NIPAL4: variants seen among roughly 807,000 people sequenced by gnomAD.
NIPAL4 encodes magnesium transporter NIPA4.
NIPAL4 carries 21 observed loss-of-function variants against 31.6 expected under a neutral mutation model. The observed-to-expected ratio is 0.67, with a 90% confidence interval of 0.47 to 0.96. The LOEUF is 0.96. Among genes scored for constraint, NIPAL4 ranks in the 40% least tolerant of loss-of-function variants. The probability of loss-of-function intolerance (pLI) is 0.00; values close to 1 mark genes in which losing one functional copy is unlikely to be tolerated. For missense variants in NIPAL4, 438 were observed against 508.0 expected (o/e 0.86, Z 1.32); for synonymous variants, 175 against 211.1 (o/e 0.83, Z 1.48).
At position 157,473,106 on chromosome 5, in the gene NIPAL4, A is replaced by C; in HGVS notation, c.*146A>C. On this transcript the variant is annotated 3_prime_UTR_variant, in exon 6 of 6. Transcript: ENST00000311946. Reference sequence around the variant, plus strand: ...TCATTTATACCTCATCACTGTTTCCAGGAGAAAAATCTTTACCCAAATAGC... The same window carrying C: ...TCATTTATACCTCATCACTGTTTCCCGGAGAAAAATCTTTACCCAAATAGC... The C allele has an allele frequency of 3.2e-6, 2 of 616,752 alleles. No homozygotes were observed. The highest frequency in any genetic ancestry group is 4.5e-4 in the Middle Eastern group (1 of 2,240). 38.2% of individuals were successfully genotyped at this position (616,752 alleles called of 1,614,324 possible).
In NIPAL4 at chr5:157,467,118, T is replaced by C. The variant is rs551001388; in HGVS notation, c.334+13T>C. Reference sequence around the variant, plus strand: ...GGATTTCTCACCAGTAAGTGGGTTGTTTGTTACTAATAACAGTGGCCTATT... The same window carrying C: ...GGATTTCTCACCAGTAAGTGGGTTGCTTGTTACTAATAACAGTGGCCTATT... On this transcript the variant is annotated intron_variant, in intron 3 of 5. Coordinates refer to ENST00000311946, the MANE Select transcript of NIPAL4 (RefSeq NM_001099287.2). 1 of 1,603,212 alleles carries C rather than the reference T, an allele frequency of 6.2e-7. No individual in the cohort carries two copies. The highest frequency in any genetic ancestry group is 8.5e-7 in the Non-Finnish European group (1 of 1,170,316).
intron 2 of NIPAL4, 109 bp from the exon 3 acceptor site, chr5:157,466,940 G>C: frequency 1.3e-6 from 1 of 785,894 alleles, no homozygotes; most frequent in Non-Finnish European, 2.2e-6. Context: ...CCAGAACCAA[G>C]CCTCAAGGAG....
intron 2 of NIPAL4, 67 bp downstream of exon 2, chr5:157,463,400 A>G (rs748245951): frequency 6.1e-5 from 92 of 1,496,000 alleles, no homozygotes; most frequent in Non-Finnish European, 7.6e-5. Flanking sequence ...CCGGGGCTGT[A>G]GTCTAAGAGG....
intron 4 of NIPAL4, among the ~76,000 whole-genome samples, chr5:157,470,667 A>G (rs1754405596): frequency 6.6e-6 from 1 of 152,250 alleles, no homozygotes; most frequent in South Asian, 2.1e-4. Flanking sequence ...TGGCTTATAC[A>G]AATGAAATAA....
At position 157,473,598 on chromosome 5, in the gene NIPAL4, C is replaced by T. The variant is rs1754503442; in HGVS notation, c.*638C>T. The T allele has an allele frequency of 6.6e-6, 1 of 152,322 alleles. No homozygotes were observed. Among genetic ancestry groups the T allele is most frequent in the Non-Finnish European group, 1.5e-5 (1 of 68,094 alleles). 9.4% of individuals were successfully genotyped at this position (152,322 alleles called of 1,614,324 possible). On this transcript the variant is annotated 3_prime_UTR_variant, in exon 6 of 6. Transcript: ENST00000311946. Reference sequence around the variant, plus strand: ...GGGAAAAATTTCAACCAGCTCATTCCCCGAGCACTCCAGCCTGGCAGTCAG... The same window carrying T: ...GGGAAAAATTTCAACCAGCTCATTCTCCGAGCACTCCAGCCTGGCAGTCAG...
chr5:157,465,246 C>T (rs533711813), intron 2 of NIPAL4, among the ~76,000 whole-genome samples: 37 of 152,306 alleles, frequency 2.4e-4, no homozygotes, highest in African/African-American at 8.7e-4. Flanking sequence ...GAAATTTCTG[C>T]TTGTGTTCAG....
Position 157,467,049 on chromosome 5 carries a change from T to C in NIPAL4, c.278T>C (p.Val93Ala), listed in dbSNP as rs756026945. The C allele has an allele frequency of 4.3e-6, 7 of 1,610,268 alleles. No homozygotes were observed. In the South Asian group the frequency reaches 6.6e-5, roughly 15 times the overall value. Residue 93 changes from valine (V) to alanine (A), a missense_variant and splice_region_variant, in exon 3 of 6, where the codon GTG becomes GCG. Coordinates refer to ENST00000311946, the MANE Select transcript of NIPAL4 (RefSeq NM_001099287.2). ...RLVATGATRA[V>A]DGGFGYLKDA... ...AACTTTGTGTCCATTCCCTCCACAG[T>C]GGATGGAGGCTTCGGCTACCTGAAA...
intron 1 of NIPAL4, chr5:157,460,564 G>A: frequency 1.4e-6 from 1 of 704,146 alleles, no homozygotes; most frequent in Non-Finnish European, 2.6e-6. Flanking sequence ...TGGCTGAGAG[G>A]AGTCAGGGAA....
chr5:157,468,891 G>A (rs1172224644), intron 4 of NIPAL4, 79 bp downstream of exon 4: 4 of 961,572 alleles, frequency 4.2e-6, no homozygotes, highest in Admixed American at 2.3e-5. Context: ...AAGTGGGATC[G>A]ACTGCCACTT....
At chr5:157,468,947 T>C (rs546190274) in intron 4 of NIPAL4, 135 bp downstream of exon 4, 2 of 622,710 alleles carry the variant, frequency 3.2e-6, no homozygotes, top group East Asian at 5.3e-5. Context: ...AAAGAGGCAG[T>C]GTGCTGTCCA....
Position 157,463,257 on chromosome 5 carries a change from C to T in NIPAL4, c.201C>T (p.Ser67=). ...GCCTGGGCCTGGCATTCCTGTCTAG[C>T]TTCCTCATCGGCAGCAGCGTCATCC... is the stretch of plus-strand genomic sequence containing the variant. The part of the protein sequence containing the change: ...YIGLGLAFLS[S]FLIGSSVILK... Residue 67 remains serine, a synonymous_variant, in exon 2 of 6, where the codon AGC becomes AGT. Transcript: ENST00000311946. 1.2e-6 allele frequency: 2 copies of T among 1,614,000 alleles called. No individual in the cohort carries two copies. The highest frequency in any genetic ancestry group is 2.2e-5 in the South Asian group (2 of 91,086).
In NIPAL4 at chr5:157,471,820, A is replaced by G; in HGVS notation, c.586+3A>G. 1.9e-6 allele frequency: 3 copies of G among 1,580,634 alleles called. No homozygotes were observed. The highest frequency in any genetic ancestry group is 2.6e-6 in the Non-Finnish European group (3 of 1,162,462). The stretch of plus-strand genomic sequence containing the variant: ...GGCTTCCAAGATGAAAGACACAGGT[A>G]GACTCCAAGCCCCTGAAGAGCAGGA... On this transcript the variant is annotated splice_donor_region_variant and intron_variant, in intron 5 of 5. Transcript: ENST00000311946.
At chr5:157,469,347 A>G (rs1408721505) in intron 4 of NIPAL4, among the ~76,000 whole-genome samples, 3 of 152,240 alleles carry the variant, frequency 2.0e-5, no homozygotes, top group African/African-American at 7.2e-5. Context: ...GGGACCAAAC[A>G]ATAACCACAG....
chr5:157,468,890 C>G (rs773811164), intron 4 of NIPAL4, 78 bp downstream of exon 4: 4 of 963,962 alleles, frequency 4.1e-6, no homozygotes, highest in African/African-American at 3.3e-5. Flanking sequence ...CAAGTGGGAT[C>G]GACTGCCACT....
chr5:157,473,364 CGTT>C lies in NIPAL4; in HGVS notation c.*423_*425del, dbSNP rs527401652. 0.021 allele frequency: 3,397 copies of C among 164,256 alleles called. 130 individuals are homozygous for C. Among genetic ancestry groups the C allele is most frequent in the African/African-American group, 0.075 (3,136 of 41,860 alleles). The allele number at this position is 164,256 out of a possible 1,614,324, so 10.2% of individuals were successfully genotyped here. On this transcript the variant is annotated 3_prime_UTR_variant, in exon 6 of 6. Coordinates refer to ENST00000311946, the MANE Select transcript of NIPAL4 (RefSeq NM_001099287.2). ...AATTCTCCTCCTGAGACGGAATCTC[CGTT>C]GTTGTTGTTGTTGTTGTTTTCTAGC...
intron 4 of NIPAL4, among the ~76,000 whole-genome samples, chr5:157,470,273 C>T (rs973496149): frequency 2.0e-5 from 3 of 152,058 alleles, no homozygotes; most frequent in South Asian, 2.1e-4. Flanking sequence ...TCTGCTGGCT[C>T]GCCTCGAGGA....
At chr5:157,460,390 T>A in intron 1 of NIPAL4, 33 bp downstream of exon 1, 1 of 1,526,524 alleles carries the variant, frequency 6.6e-7, no homozygotes, top group Non-Finnish European at 8.8e-7. Flanking sequence ...CCAGGCGGGC[T>A]CCGCGCTTCG....
intron 2 of NIPAL4, among the ~76,000 whole-genome samples, chr5:157,465,074 G>A (rs1282646666): frequency 6.6e-6 from 1 of 152,154 alleles, no homozygotes; most frequent in African/African-American, 2.4e-5. Flanking sequence ...TTATCTCAGT[G>A]GGAGGTTCCC....
rs62388499 is a variant in NIPAL4, at chr5:157,472,992, C to T, written c.*32C>T. ...GAATATGTGAGTGAGAGGATGAGTC[C>T]GATGGTACAGCCTGCCCTCCCAATT... On this transcript the variant is annotated 3_prime_UTR_variant, in exon 6 of 6. Transcript: ENST00000311946. 7,032 of 1,490,824 alleles carry T rather than the reference C, an allele frequency of 4.7e-3. 20 individuals are homozygous for T. Among genetic ancestry groups the T allele is most frequent in the Non-Finnish European group, 5.4e-3 (6,120 of 1,123,598 alleles). 92.3% of individuals were successfully genotyped at this position (1,490,824 alleles called of 1,614,324 possible). A position where few individuals can be genotyped will look rare whatever the true frequency, so the allele number is the denominator to read the frequency against.
Sources: gnomAD v4.1 joint callset for allele counts (sites outside exome capture counted in the v4.1 genomes callset) on GRCh38, gnomAD v4.1.1 for gene constraint, MANE v1.5 for transcripts, NCBI Gene and HGNC (gene_info 2026-07-23, HGNC 2026-07-21) for gene names.